CTNNA2: variants seen among roughly 807,000 people sequenced by gnomAD.
CTNNA2 encodes catenin alpha-2.
In CTNNA2, 42 loss-of-function variants were observed where a neutral mutation model predicts 101.0. That is an observed-to-expected ratio of 0.42 (90% CI 0.32 to 0.54). CTNNA2 has a LOEUF of 0.54. CTNNA2 is among the 20% of genes least tolerant of loss of function. The pLI is 0.14. For synonymous variants in CTNNA2, 450 were observed against 456.4 expected (o/e 0.99, Z 0.18); for missense variants, 871 against 1,223.1 (o/e 0.71, Z 4.29).
At chr2:79,957,132 G>C (rs1456915698) in intron 7 of CTNNA2, among the ~76,000 whole-genome samples, 3 of 152,094 alleles carry the variant, frequency 2.0e-5, no homozygotes. Context: ...ATGCTTTAAA[G>C]GCTCACATTT....
chr2:79,561,546 C>A (rs1168915157), intron 1 of CTNNA2, among the ~76,000 whole-genome samples: 1 of 151,828 alleles, frequency 6.6e-6, no homozygotes, highest in Admixed American at 6.6e-5. Flanking sequence ...TTTTTCTTTC[C>A]CTCCAGCAGT....
chr2:79,991,774 C>A (rs1464323607), intron 7 of CTNNA2, among the ~76,000 whole-genome samples: 2 of 152,066 alleles, frequency 1.3e-5, no homozygotes, highest in African/African-American at 4.8e-5. Flanking sequence ...ATGGCTCCAG[C>A]CTCCCGTTTG....
At chr2:80,234,327 G>A (rs1365900162) in intron 7 of CTNNA2, among the ~76,000 whole-genome samples, 27 of 152,094 alleles carry the variant, frequency 1.8e-4, no homozygotes, top group Admixed American at 1.8e-3. Flanking sequence ...TATACTTTAA[G>A]GGAAATATTG....
chr2:80,016,824 G>A (rs953522619), intron 7 of CTNNA2, among the ~76,000 whole-genome samples: 1 of 152,144 alleles, frequency 6.6e-6, no homozygotes, highest in Non-Finnish European at 1.5e-5. Flanking sequence ...TTGTAATGAA[G>A]ATAAATGATA....
intron 4 of CTNNA2, among the ~76,000 whole-genome samples, chr2:79,461,598 C>G (rs1670880103): frequency 6.6e-6 from 1 of 152,112 alleles, no homozygotes; most frequent in Non-Finnish European, 1.5e-5. Context: ...ACTCATTTAA[C>G]CAAGAGCTGG....
chr2:79,246,887 T>C (rs1674707223), intron 2 of CTNNA2, among the ~76,000 whole-genome samples: 1 of 152,232 alleles, frequency 6.6e-6, no homozygotes, highest in African/African-American at 2.4e-5. Context: ...GTACAATAAC[T>C]GAACATCTGA....
chr2:80,094,015 T>C (rs953585274), intron 7 of CTNNA2, among the ~76,000 whole-genome samples: 6 of 152,298 alleles, frequency 3.9e-5, no homozygotes, highest in Non-Finnish European at 5.9e-5. Context: ...TTTAATTAGA[T>C]CCCATTTTTC....
At chr2:79,634,641 G>A (rs1679899865) in intron 1 of CTNNA2, 1 of 152,198 alleles carries the variant, frequency 6.6e-6, no homozygotes, top group African/African-American at 2.4e-5. Flanking sequence ...TTAAGATCGA[G>A]GGTGACACTG....
intron 7 of CTNNA2, among the ~76,000 whole-genome samples, chr2:80,379,567 G>A (rs1173662034): frequency 6.6e-6 from 1 of 152,022 alleles, no homozygotes; most frequent in Non-Finnish European, 1.5e-5. Flanking sequence ...TTCTATTTCA[G>A]GTGTACTTCC....
intron 7 of CTNNA2, among the ~76,000 whole-genome samples, chr2:80,039,157 A>G (rs115363082): frequency 1.2e-3 from 179 of 152,300 alleles, no homozygotes; most frequent in Non-Finnish European, 2.0e-3. Context: ...ATTACCAACC[A>G]GAAAGCCCAG....
intron 7 of CTNNA2, among the ~76,000 whole-genome samples, chr2:80,228,155 G>A (rs921182878): frequency 6.6e-6 from 1 of 152,192 alleles, no homozygotes; most frequent in Non-Finnish European, 1.5e-5. Context: ...TTGTCAGTAA[G>A]ACTGGCCATT....
chr2:79,817,452 T>G (rs1187118707), intron 3 of CTNNA2, among the ~76,000 whole-genome samples: 1 of 151,646 alleles, frequency 6.6e-6, no homozygotes, highest in Middle Eastern at 3.2e-3. Flanking sequence ...GGCTCTCGTA[T>G]TTCCAGTCTC....
intron 4 of CTNNA2, among the ~76,000 whole-genome samples, chr2:79,473,669 T>C (rs1671024079): frequency 6.6e-6 from 1 of 151,980 alleles, no homozygotes; most frequent in Non-Finnish European, 1.5e-5. Flanking sequence ...CTTTCAAAAA[T>C]GGAGAAAAAG....
At chr2:79,727,013 GT>G (rs1686889021) in intron 2 of CTNNA2, among the ~76,000 whole-genome samples, 1 of 152,208 alleles carries the variant, frequency 6.6e-6, no homozygotes, top group Non-Finnish European at 1.5e-5. Context: ...GTGACTACAT[GT>G]TGCTTAATTA....
intron 7 of CTNNA2, among the ~76,000 whole-genome samples, chr2:80,107,966 AG>A (rs1221677812): frequency 6.6e-6 from 1 of 152,172 alleles, no homozygotes; most frequent in Non-Finnish European, 1.5e-5. Flanking sequence ...AGTCTGATGA[AG>A]GGGTCGAGAA....
At chr2:80,258,127 C>G (rs1244243387) in intron 7 of CTNNA2, among the ~76,000 whole-genome samples, 1 of 152,170 alleles carries the variant, frequency 6.6e-6, no homozygotes, top group Non-Finnish European at 1.5e-5. Context: ...AAGTAAGGTA[C>G]TGTATGGGCT....
At chr2:80,639,747 G>T (rs569549323) in intron 18 of CTNNA2, among the ~76,000 whole-genome samples, 2 of 152,250 alleles carry the variant, frequency 1.3e-5, no homozygotes, top group South Asian at 4.1e-4. Flanking sequence ...ACAAAAAAGT[G>T]CACAATATGT....
chr2:80,522,205 G>A (rs144336693), intron 9 of CTNNA2, among the ~76,000 whole-genome samples: 11 of 152,290 alleles, frequency 7.2e-5, no homozygotes, highest in African/African-American at 2.2e-4. Context: ...TTTGCAGAGA[G>A]AGTCAGCTCT....
intron 8 of CTNNA2, among the ~76,000 whole-genome samples, chr2:80,411,456 A>T (rs1679564787): frequency 1.3e-5 from 2 of 152,000 alleles, no homozygotes; most frequent in East Asian, 1.9e-4. Flanking sequence ...CTCTTCTTTT[A>T]TCCTCTCCAC....
Sources: allele counts gnomAD v4.1 joint callset (sites outside exome capture counted in the v4.1 genomes callset), GRCh38; gene constraint gnomAD v4.1.1; transcripts MANE v1.5; gene names NCBI Gene and HGNC (gene_info 2026-07-23, HGNC 2026-07-21).